The following EDN3 variants were observed in gnomAD, a reference collection of about 807,000 sequenced individuals.
EDN3 encodes endothelin-3.
A neutral mutation model predicts 21.4 loss-of-function variants in EDN3; 9 were observed. The ratio of observed to expected loss-of-function variants is 0.42; its 90% CI spans 0.25 to 0.73. The LOEUF is 0.73. Among genes scored for constraint, EDN3 ranks in the 30% least tolerant of loss-of-function variants. The pLI is 0.26. For missense variants in EDN3, 327 were observed against 309.4 expected (o/e 1.06, Z -0.43); for synonymous variants, 133 against 126.2 (o/e 1.05, Z -0.36).
At chr20:59,320,167 C>G (rs988650885) in intron 2 of EDN3, among the ~76,000 whole-genome samples, 2 of 152,248 alleles carry the variant, frequency 1.3e-5, no homozygotes, top group Non-Finnish European at 2.9e-5. Context: ...CATCACGCGG[C>G]TCTTCTGAGG....
intron 2 of EDN3, among the ~76,000 whole-genome samples, chr20:59,306,482 A>C (rs1989415550): frequency 6.6e-6 from 1 of 151,678 alleles, no homozygotes; most frequent in Admixed American, 6.6e-5. Context: ...ATCAGCTCCT[A>C]TCAAGATGCC....
chr20:59,318,390 A>G (rs1393648021), intron 2 of EDN3, among the ~76,000 whole-genome samples: 8 of 152,238 alleles, frequency 5.3e-5, no homozygotes, highest in Admixed American at 4.6e-4. Flanking sequence ...TGGAAGCCAC[A>G]TTTGTCCAGA....
chr20:59,319,385 A>G (rs1242228557), intron 2 of EDN3, among the ~76,000 whole-genome samples: 1 of 152,146 alleles, frequency 6.6e-6, no homozygotes. Context: ...GTGTGTTTCA[A>G]ATGAAAAGAA....
chr20:59,305,329 T>A lies in EDN3; in HGVS notation c.365+3607T>A, dbSNP rs574281162. Among the ~76,000 whole-genome samples, 1 of 152,200 alleles carries A rather than the reference T, an allele frequency of 6.6e-6. No homozygotes were observed. Among genetic ancestry groups the A allele is most frequent in the South Asian group, 2.1e-4 (1 of 4,818 alleles). On this transcript the variant is annotated intron_variant, in intron 2 of 4. Coordinates refer to ENST00000337938, the MANE Select transcript of EDN3 (RefSeq NM_207034.3). This position sits in a 1 kb window ranked among gnomAD's most constrained non-coding sequence, Gnocchi z 4.2. The stretch of plus-strand genomic sequence containing the variant: ...CATGGATAAGTTGCCAAGAATAAGA[T>A]AGTAAGGGGACAGGTGGTGAACAAG...
intron 2 of EDN3, among the ~76,000 whole-genome samples, chr20:59,315,654 T>C (rs935925688): frequency 6.6e-6 from 1 of 152,180 alleles, no homozygotes; most frequent in African/African-American, 2.4e-5. Flanking sequence ...CTTTATGGAA[T>C]AAACCACTAG....
chr20:59,320,376 G>A (rs1384596876), intron 2 of EDN3, among the ~76,000 whole-genome samples: 1 of 152,246 alleles, frequency 6.6e-6, no homozygotes. Context: ...GAAACCTCAG[G>A]TCTGGCCTCA....
At chr20:59,316,471 G>T (rs982916311) in intron 2 of EDN3, among the ~76,000 whole-genome samples, 5 of 152,344 alleles carry the variant, frequency 3.3e-5, no homozygotes, top group East Asian at 1.9e-4. Flanking sequence ...AATCTGGTCA[G>T]TGGGAATATC....
rs1032067309 is a variant in EDN3, at chr20:59,325,940, A to C, written c.*1481A>C. 11 of 152,228 alleles carry C rather than the reference A, an allele frequency of 7.2e-5. No homozygotes were observed. The highest frequency in any genetic ancestry group is 2.7e-4 in the African/African-American group (11 of 41,454). 9.4% of individuals were successfully genotyped at this position (152,228 alleles called of 1,614,324 possible). ...AGAGAGAAACCCATCAATTGCTCAA[A>C]TACTCAGAAAGTACTGTCAAAAGCC... On this transcript the variant is annotated 3_prime_UTR_variant, in exon 5 of 5. Coordinates refer to ENST00000337938, the MANE Select transcript of EDN3 (RefSeq NM_207034.3).
rs978326071 is a variant in EDN3, at chr20:59,322,642, C to T, written c.588+225C>T. On this transcript the variant is annotated intron_variant, in intron 4 of 4. Coordinates refer to ENST00000337938, the MANE Select transcript of EDN3 (RefSeq NM_207034.3). The surrounding 1 kb of genome is among the most constrained non-coding windows in gnomAD (Gnocchi z 4.1). The stretch of plus-strand genomic sequence containing the variant: ...GGACAGCTGCTGTCACTTGTCGGTC[C>T]CTGGCCACCCTGCTCTGTGTCCTGG... Among the ~76,000 whole-genome samples, 4 of 152,136 alleles carry T rather than the reference C, an allele frequency of 2.6e-5. No individual in the cohort carries two copies. The highest frequency in any genetic ancestry group is 7.2e-5 in the African/African-American group (3 of 41,438).
At chr20:59,303,302 T>A (rs1379746592) in intron 2 of EDN3, among the ~76,000 whole-genome samples, 1 of 152,016 alleles carries the variant, frequency 6.6e-6, no homozygotes, top group Non-Finnish European at 1.5e-5. Context: ...AAGCTGTGAG[T>A]GTTGGGCCAT....
intron 2 of EDN3, among the ~76,000 whole-genome samples, chr20:59,309,055 G>C (rs1440563254): frequency 6.6e-6 from 1 of 152,210 alleles, no homozygotes; most frequent in Non-Finnish European, 1.5e-5. Flanking sequence ...TGCTGGGCTG[G>C]GCTGAGATTC....
chr20:59,301,864 C>T, intron 2 of EDN3, 142 bp downstream of exon 2: 2 of 979,070 alleles, frequency 2.0e-6, no homozygotes, highest in South Asian at 2.7e-5. Flanking sequence ...CTTGCTGGGG[C>T]CTCTTGCCAG....
rs2146891530 is a variant in EDN3, at chr20:59,324,651, T to C, written c.*192T>C. ...ATCCGAATGACCCCAGTTTTCCTAA[T>C]GAGTAAAATGATCCCAGATGTGCCC... On this transcript the variant is annotated 3_prime_UTR_variant, in exon 5 of 5. Coordinates refer to ENST00000337938, the MANE Select transcript of EDN3 (RefSeq NM_207034.3). The C allele has an allele frequency of 2.9e-6, 2 of 700,456 alleles. No individual in the cohort carries two copies. Among genetic ancestry groups the C allele is most frequent in the Non-Finnish European group, 4.8e-6 (2 of 416,476 alleles). 43.4% of individuals were successfully genotyped at this position (700,456 alleles called of 1,614,324 possible).
At chr20:59,319,299 A>G (rs1990376604) in intron 2 of EDN3, among the ~76,000 whole-genome samples, 1 of 151,594 alleles carries the variant, frequency 6.6e-6, no homozygotes, top group South Asian at 2.1e-4. Context: ...GGGGCGGGGG[A>G]CTCCCTCCAA....
Position 59,322,507 on chromosome 20 carries a change from A to G in EDN3, c.588+90A>G, listed in dbSNP as rs1347453358. The G allele has an allele frequency of 7.1e-6, 11 of 1,559,416 alleles. No homozygotes were observed. The highest frequency in any genetic ancestry group is 9.7e-6 in the Non-Finnish European group (11 of 1,132,952). On this transcript the variant is annotated intron_variant, in intron 4 of 4. Transcript: ENST00000337938. The surrounding 1 kb of genome is among the most constrained non-coding windows in gnomAD (Gnocchi z 4.1). ...GGTGGGTGGAGGGTGTTTTGAGGGGATGGCATCTGGTCTGGTCCAGTGGGA... is the reference window on the plus strand; with the variant it reads ...GGTGGGTGGAGGGTGTTTTGAGGGGGTGGCATCTGGTCTGGTCCAGTGGGA...
chr20:59,311,713 T>C (rs1353363240), intron 2 of EDN3, among the ~76,000 whole-genome samples: 2 of 151,998 alleles, frequency 1.3e-5, no homozygotes, highest in Non-Finnish European at 2.9e-5. Flanking sequence ...GAGCAATGTC[T>C]TGTGTGGACC....
At chr20:59,311,959 G>T (rs574032576) in intron 2 of EDN3, among the ~76,000 whole-genome samples, 5 of 152,198 alleles carry the variant, frequency 3.3e-5, no homozygotes, top group African/African-American at 1.2e-4. Context: ...CCTTAACCTG[G>T]TATCTCCTGA....
intron 2 of EDN3, among the ~76,000 whole-genome samples, chr20:59,304,203 C>T (rs1989239966): frequency 6.6e-6 from 1 of 152,044 alleles, no homozygotes; most frequent in African/African-American, 2.4e-5. Flanking sequence ...GGCAAGACTG[C>T]AATTTGAGAA....
intron 2 of EDN3, among the ~76,000 whole-genome samples, chr20:59,304,469 G>A (rs1257918181): frequency 1.3e-5 from 2 of 152,234 alleles, no homozygotes; most frequent in African/African-American, 2.4e-5. Flanking sequence ...TTCTGGGCAC[G>A]AGAAGGAGCC....
Sources: allele counts gnomAD v4.1 joint callset (sites outside exome capture counted in the v4.1 genomes callset), GRCh38; gene constraint gnomAD v4.1.1; non-coding constraint Gnocchi (gnomAD v3.1); transcripts MANE v1.5; gene names NCBI Gene and HGNC (gene_info 2026-07-23, HGNC 2026-07-21).